MSH4: variants seen among roughly 807,000 people sequenced by gnomAD.
MSH4 encodes mutS protein homolog 4.
In MSH4, 106 loss-of-function variants were observed where a neutral mutation model predicts 113.7. The ratio of observed to expected loss-of-function variants is 0.93; its 90% CI spans 0.80 to 1.10. The LOEUF is 1.10. Ranked by LOEUF, MSH4 falls within the 50% of genes least tolerant of loss-of-function variation. The pLI, the probability that MSH4 is intolerant of heterozygous loss-of-function variation, is 0.00. For synonymous variants in MSH4, 368 were observed against 380.2 expected (o/e 0.97, Z 0.37); for missense variants, 1,061 against 1,093.7 (o/e 0.97, Z 0.42).
chr1:75,881,421 G>T (rs754232325), intron 14 of MSH4, 51 bp downstream of exon 14: 4 of 1,562,258 alleles, frequency 2.6e-6, no homozygotes, highest in East Asian at 2.3e-5. Context: ...ATTTGTATTC[G>T]ATTCAAACAA....
chr1:75,879,002 A>C lies in MSH4; in HGVS notation c.1551A>C (p.Ser517=). ...GTTTCTGGTCACCAGGAATGATATC[A>C]CAACTTGGAGAAAAATATAGTCTAC... The part of the protein sequence containing the change: ...EIVDDIAGMI[S]QLGEKYSLPL... The change falls in exon 12 of 20, where the codon TCA becomes TCC. Residue 517 remains serine (S), a synonymous_variant. Transcript: ENST00000263187. The C allele has an allele frequency of 1.9e-6, 3 of 1,607,352 alleles. No homozygotes were observed. In the South Asian group the frequency reaches 3.3e-5, roughly 18 times the overall value.
intron 8 of MSH4, among the ~76,000 whole-genome samples, chr1:75,849,587 G>A (rs557830359): frequency 4.6e-5 from 7 of 152,220 alleles, no homozygotes; most frequent in Middle Eastern, 3.4e-3. Flanking sequence ...TAGCTGTTGG[G>A]CAGGCACAGA....
chr1:75,810,147 T>C (rs999839135), intron 3 of MSH4, among the ~76,000 whole-genome samples: 7 of 151,996 alleles, frequency 4.6e-5, no homozygotes, highest in African/African-American at 1.7e-4. Flanking sequence ...TTTATGTTAG[T>C]AGTTATATAG....
At chr1:75,887,454 C>T (rs752151096) in intron 15 of MSH4, among the ~76,000 whole-genome samples, 11 of 152,072 alleles carry the variant, frequency 7.2e-5, no homozygotes, top group East Asian at 1.9e-4. Context: ...CAGACTAATA[C>T]ACCCCAGTAG....
intron 14 of MSH4, 63 bp downstream of exon 14, chr1:75,881,433 T>A (rs1209487394): frequency 1.3e-6 from 2 of 1,530,710 alleles, no homozygotes; most frequent in East Asian, 2.3e-5. Flanking sequence ...TTCAAACAAT[T>A]TGATATAATA....
chr1:75,885,452 T>TAC (rs1652055868), intron 15 of MSH4, among the ~76,000 whole-genome samples: 1 of 82,842 alleles, frequency 1.2e-5, no homozygotes, highest in South Asian at 3.2e-4. Flanking sequence ...TACATATATA[T>TAC]ATATATATGT....
chr1:75,859,859 T>C (rs1203832333), intron 8 of MSH4, among the ~76,000 whole-genome samples: 1 of 152,112 alleles, frequency 6.6e-6, no homozygotes, highest in African/African-American at 2.4e-5. Context: ...TTGACAGTGG[T>C]GTGTTAACGT....
At chr1:75,912,600 T>C in intron 19 of MSH4, 96 bp from the exon 20 acceptor site, 1 of 738,684 alleles carries the variant, frequency 1.4e-6, no homozygotes, top group Non-Finnish European at 1.9e-6. Flanking sequence ...GTTCCATATG[T>C]CTATGGAAGG....
chr1:75,843,717 G>C (rs1651018664), intron 7 of MSH4, among the ~76,000 whole-genome samples: 1 of 152,072 alleles, frequency 6.6e-6, no homozygotes, highest in South Asian at 2.1e-4. Context: ...AATTAGAAAG[G>C]GGACAGTTCT....
At chr1:75,855,771 C>T (rs1027826559) in intron 8 of MSH4, among the ~76,000 whole-genome samples, 1 of 152,158 alleles carries the variant, frequency 6.6e-6, no homozygotes, top group Non-Finnish European at 1.5e-5. Context: ...TGGAATGACC[C>T]TATTTCCAAA....
intron 7 of MSH4, among the ~76,000 whole-genome samples, chr1:75,839,572 C>T (rs186388400): frequency 1.9e-3 from 289 of 152,148 alleles, no homozygotes; most frequent in African/African-American, 6.6e-3. Flanking sequence ...GGGCATAGGG[C>T]AGAGTGGGAG....
At chr1:75,829,330 C>T (rs1650630538) in intron 7 of MSH4, among the ~76,000 whole-genome samples, 1 of 152,194 alleles carries the variant, frequency 6.6e-6, no homozygotes, top group Admixed American at 6.5e-5. Flanking sequence ...AGGAGGCCTG[C>T]CTTGCCTCTG....
chr1:75,834,447 T>G (rs1162278196), intron 7 of MSH4, among the ~76,000 whole-genome samples: 3 of 152,234 alleles, frequency 2.0e-5, no homozygotes, highest in Non-Finnish European at 4.4e-5. Context: ...CCCAAAGGAT[T>G]GTAAATCATG....
intron 7 of MSH4, among the ~76,000 whole-genome samples, chr1:75,830,939 A>G (rs1031441907): frequency 1.3e-5 from 2 of 152,210 alleles, no homozygotes; most frequent in Non-Finnish European, 2.9e-5. Flanking sequence ...ACACGTAACC[A>G]TATTAACCTT....
intron 7 of MSH4, among the ~76,000 whole-genome samples, chr1:75,846,107 T>C (rs547854054): frequency 2.0e-4 from 19 of 97,174 alleles, no homozygotes; most frequent in African/African-American, 9.2e-4. Context: ...AGTTCCAAGG[T>C]GCTGCAGGGC....
intron 7 of MSH4, among the ~76,000 whole-genome samples, chr1:75,823,169 G>C (rs1650459583): frequency 6.6e-6 from 1 of 152,102 alleles, no homozygotes; most frequent in Non-Finnish European, 1.5e-5. Context: ...TGCTTCTATT[G>C]TCATATGGTT....
intron 17 of MSH4, among the ~76,000 whole-genome samples, chr1:75,897,153 G>A (rs1652403393): frequency 6.6e-6 from 1 of 152,096 alleles, no homozygotes; most frequent in African/African-American, 2.4e-5. Flanking sequence ...ATTCTGGGCT[G>A]GAAATCTTGT....
At chr1:75,908,533 C>T (rs1212650532) in intron 19 of MSH4, among the ~76,000 whole-genome samples, 1 of 152,126 alleles carries the variant, frequency 6.6e-6, no homozygotes, top group East Asian at 1.9e-4. Flanking sequence ...TTTCTTAAAA[C>T]TGCTATTTTG....
chr1:75,847,123 ACT>A (rs1416540852), intron 7 of MSH4, among the ~76,000 whole-genome samples: 1 of 151,886 alleles, frequency 6.6e-6, no homozygotes, highest in Non-Finnish European at 1.5e-5. Context: ...TCAAGAACCC[ACT>A]CTCATGATAA....
Sources: allele counts gnomAD v4.1 joint callset (sites outside exome capture counted in the v4.1 genomes callset), GRCh38; gene constraint gnomAD v4.1.1; transcripts MANE v1.5; gene names NCBI Gene and HGNC (gene_info 2026-07-23, HGNC 2026-07-21).